TMEM132C: variants seen among roughly 807,000 people sequenced by gnomAD.
The protein encoded by TMEM132C is protein phosphatase 1, regulatory subunit 152.
A neutral mutation model predicts 61.4 loss-of-function variants in TMEM132C; 29 were observed. The ratio of observed to expected loss-of-function variants is 0.47; its 90% CI spans 0.35 to 0.64. The LOEUF is 0.64. Ranked by LOEUF, TMEM132C falls within the 30% of genes least tolerant of loss-of-function variation. The pLI, the probability that TMEM132C is intolerant of heterozygous loss-of-function variation, is 0.00. For missense variants in TMEM132C, 1,408 were observed against 1,476.9 expected (o/e 0.95, Z 0.76); for synonymous variants, 656 against 633.1 (o/e 1.04, Z -0.54).
intron 2 of TMEM132C, among the ~76,000 whole-genome samples, chr12:128,504,002 G>A (rs1221314523): frequency 2.0e-5 from 3 of 152,214 alleles, no homozygotes; most frequent in East Asian, 1.9e-4. Flanking sequence ...GAGTGAGAAC[G>A]AGAGAAGCAG....
At chr12:128,601,483 G>A (rs967524699) in intron 3 of TMEM132C, among the ~76,000 whole-genome samples, 2 of 152,240 alleles carry the variant, frequency 1.3e-5, no homozygotes, top group Non-Finnish European at 2.9e-5. Context: ...GAGGAAGATG[G>A]TGAACACGAA....
At chr12:128,525,970 T>C (rs546762203) in intron 2 of TMEM132C, among the ~76,000 whole-genome samples, 1 of 152,150 alleles carries the variant, frequency 6.6e-6, no homozygotes, top group Admixed American at 6.5e-5. Context: ...GGCTACCACA[T>C]TGGGAGCAGA....
chr12:128,612,927 T>G lies in TMEM132C; in HGVS notation c.1122-3225T>G, dbSNP rs1876682593. Among the ~76,000 whole-genome samples the G allele has an allele frequency of 2.0e-5, 3 of 152,194 alleles. No individual in the cohort carries two copies. The South Asian group carries it at 6.2e-4, about 32-fold the overall frequency. ...AGAAGTTGTGCTGGCTTCTTTTTCATGCCTCTTTCCTCCCTGCACAATGGG... is the reference window on the plus strand; with the variant it reads ...AGAAGTTGTGCTGGCTTCTTTTTCAGGCCTCTTTCCTCCCTGCACAATGGG... On this transcript the variant is annotated intron_variant, in intron 3 of 8. Transcript: ENST00000435159.
At chr12:128,695,125 C>G (rs1305478288) in intron 6 of TMEM132C, among the ~76,000 whole-genome samples, 1 of 152,206 alleles carries the variant, frequency 6.6e-6, no homozygotes, top group African/African-American at 2.4e-5. Flanking sequence ...TCTAGAACCC[C>G]TCTGTCCAAT....
chr12:128,668,612 C>T (rs1383259796), intron 4 of TMEM132C, among the ~76,000 whole-genome samples: 2 of 152,148 alleles, frequency 1.3e-5, no homozygotes, highest in African/African-American at 4.8e-5. Context: ...TGTTAGTTTC[C>T]TGATGCTGCG....
chr12:128,359,752 C>T (rs1873637087), intron 1 of TMEM132C, among the ~76,000 whole-genome samples: 1 of 152,120 alleles, frequency 6.6e-6, no homozygotes, highest in Admixed American at 6.5e-5. Flanking sequence ...ACCTAAACAA[C>T]ACTTTGTGTC....
chr12:128,476,689 G>A (rs111233398), intron 2 of TMEM132C, among the ~76,000 whole-genome samples: 10,898 of 152,224 alleles, frequency 0.072, 439 homozygotes, highest in Middle Eastern at 0.11. Flanking sequence ...CAGCTGCACA[G>A]TACAAGCAGT....
intron 1 of TMEM132C, among the ~76,000 whole-genome samples, chr12:128,392,611 C>T (rs1319186057): frequency 6.6e-6 from 1 of 152,024 alleles, no homozygotes; most frequent in African/African-American, 2.4e-5. Flanking sequence ...AGAAGACTTC[C>T]TGGAGGAGGT....
intron 5 of TMEM132C, among the ~76,000 whole-genome samples, chr12:128,672,131 C>G (rs923827306): frequency 6.6e-6 from 1 of 151,550 alleles, no homozygotes; most frequent in South Asian, 2.1e-4. Flanking sequence ...AAATATTTTA[C>G]TTTTTTTTAC....
intron 1 of TMEM132C, among the ~76,000 whole-genome samples, chr12:128,336,649 C>A (rs1435225609): frequency 6.6e-6 from 1 of 152,178 alleles, no homozygotes. Flanking sequence ...TGATGAGAAA[C>A]CATCTTGGTT....
chr12:128,523,770 G>A (rs374553628), intron 2 of TMEM132C, among the ~76,000 whole-genome samples: 1 of 146,902 alleles, frequency 6.8e-6, no homozygotes, highest in East Asian at 2.1e-4. Flanking sequence ...GAGGCCGAGG[G>A]AGGAGGATTG....
chr12:128,655,554 G>A (rs542467460), intron 4 of TMEM132C, among the ~76,000 whole-genome samples: 1 of 151,712 alleles, frequency 6.6e-6, no homozygotes, highest in African/African-American at 2.4e-5. Flanking sequence ...TAACTAGTAT[G>A]CCTTGAATTG....
At chr12:128,307,085 G>A (rs1013680740) in intron 1 of TMEM132C, among the ~76,000 whole-genome samples, 2 of 152,104 alleles carry the variant, frequency 1.3e-5, no homozygotes, top group Admixed American at 1.3e-4. Flanking sequence ...GCATCCTTAA[G>A]GTTCTGAGTC....
chr12:128,443,587 A>C (rs2136049710), intron 2 of TMEM132C, among the ~76,000 whole-genome samples: 1 of 152,328 alleles, frequency 6.6e-6, no homozygotes, highest in African/African-American at 2.4e-5. Flanking sequence ...ATCCAGTGAA[A>C]TCAGAATCTC....
chr12:128,541,055 G>T (rs11608787), intron 2 of TMEM132C, among the ~76,000 whole-genome samples: 7 of 151,140 alleles, frequency 4.6e-5, no homozygotes, highest in Admixed American at 1.3e-4. Flanking sequence ...CTGTGTGTCT[G>T]ACTGCCTGGC....
chr12:128,275,338 T>C (rs1870653175), intron 1 of TMEM132C, among the ~76,000 whole-genome samples: 2 of 152,116 alleles, frequency 1.3e-5, no homozygotes, highest in Non-Finnish European at 1.5e-5. Flanking sequence ...TAGCATTAGA[T>C]TCTCATAGAA....
At chr12:128,304,639 A>AAG (rs61627760) in intron 1 of TMEM132C, among the ~76,000 whole-genome samples, 74,838 of 142,118 alleles carry the variant, frequency 0.53, 19,451 homozygotes, top group Middle Eastern at 0.61. Context: ...GAAAGAAAGA[A>AAG]AAAAAAGAAA....
chr12:128,634,558 T>G (rs920202893), intron 4 of TMEM132C, among the ~76,000 whole-genome samples: 1 of 152,264 alleles, frequency 6.6e-6, no homozygotes, highest in Non-Finnish European at 1.5e-5. Context: ...GCTTTCCATA[T>G]GATAATTGAC....
chr12:128,553,586 A>G (rs1313497693), intron 3 of TMEM132C, among the ~76,000 whole-genome samples: 1 of 152,226 alleles, frequency 6.6e-6, no homozygotes, highest in African/African-American at 2.4e-5. Flanking sequence ...GAATTTATTT[A>G]GAAAGCCCCC....
Sources: gnomAD v4.1 joint callset for allele counts (sites outside exome capture counted in the v4.1 genomes callset) on GRCh38, gnomAD v4.1.1 for gene constraint, MANE v1.5 for transcripts, NCBI Gene and HGNC (gene_info 2026-07-23, HGNC 2026-07-21) for gene names.